Variants in HMCN1 observed in about 807,000 individuals in gnomAD.
The protein encoded by HMCN1 is hemicentin 1, also known as hemicentin-1.
HMCN1 carries 321 observed loss-of-function variants against 625.9 expected under a neutral mutation model. That is an observed-to-expected ratio of 0.51 (90% confidence interval 0.47 to 0.56). HMCN1 has a LOEUF of 0.56. HMCN1 is among the 20% of genes least tolerant of loss of function. The pLI, the probability that HMCN1 is intolerant of heterozygous loss-of-function variation, is 0.00. For synonymous variants in HMCN1, 2,425 were observed against 2,417.6 expected, an observed-to-expected ratio of 1.00 and a Z score of -0.09; for missense variants, 6,588 against 6,887.3, an observed-to-expected ratio of 0.96 and a Z score of 1.54.
chr1:185,889,552 C>A (rs956055367), intron 4 of HMCN1, among the ~76,000 whole-genome samples: 3 of 136,284 alleles, frequency 2.2e-5, no homozygotes, highest in Non-Finnish European at 4.5e-5. Context: ...GCCTTTTCTG[C>A]ATCTATTGAG....
At chr1:186,074,177 C>G (rs747475917) in intron 52 of HMCN1, among the ~76,000 whole-genome samples, 1 of 151,794 alleles carries the variant, frequency 6.6e-6, no homozygotes, top group Non-Finnish European at 1.5e-5. Flanking sequence ...TGATAAAACA[C>G]CATAATACGA....
intron 4 of HMCN1, among the ~76,000 whole-genome samples, chr1:185,872,878 A>G (rs1344829907): frequency 6.6e-6 from 1 of 152,164 alleles, no homozygotes; most frequent in Non-Finnish European, 1.5e-5. Context: ...TGAAAGTATT[A>G]TCCCATAAGA....
At chr1:186,108,653 A>G (rs1323168398) in intron 71 of HMCN1, 56 bp downstream of exon 71, 5 of 1,601,134 alleles carry the variant, frequency 3.1e-6, no homozygotes, top group East Asian at 2.2e-5. Flanking sequence ...AAGTAAAAAA[A>G]TCAGCTCTAG....
At chr1:185,844,406 T>C (rs182921165) in intron 1 of HMCN1, among the ~76,000 whole-genome samples, 3 of 152,368 alleles carry the variant, frequency 2.0e-5, no homozygotes, top group African/African-American at 4.8e-5. Context: ...GTACATGGGT[T>C]ATGGCAGACA....
rs773604771 is a variant in HMCN1 at position 186,070,769 on chromosome 1, CTT to C, written c.8139+17_8139+18del. 6.2e-7 allele frequency: 1 copy of C among 1,613,386 alleles called. No homozygotes were observed. The highest frequency in any genetic ancestry group is 1.1e-5 in the South Asian group (1 of 91,068). On this transcript the variant is annotated intron_variant, in intron 52 of 106. Coordinates refer to ENST00000271588, the MANE Select transcript of HMCN1 (RefSeq NM_031935.3). ...ACAAGGATGGACAGGCCAGTCACAA[CTT>C]TTTTCATTTGCTGATGATTTCTTAA...
At chr1:185,896,891 A>G (rs943723866) in intron 4 of HMCN1, among the ~76,000 whole-genome samples, 1 of 152,252 alleles carries the variant, frequency 6.6e-6, no homozygotes, top group African/African-American at 2.4e-5. Flanking sequence ...ATAATCAGTT[A>G]TAACATTTTG....
At chr1:186,024,197 G>A (rs1468191231) in intron 36 of HMCN1, among the ~76,000 whole-genome samples, 5 of 152,138 alleles carry the variant, frequency 3.3e-5, no homozygotes, top group Non-Finnish European at 7.3e-5. Flanking sequence ...GTTGGGAGAC[G>A]AATATCTGAA....
intron 105 of HMCN1, among the ~76,000 whole-genome samples, chr1:186,184,144 C>T (rs529798562): frequency 1.2e-4 from 19 of 152,156 alleles, no homozygotes; most frequent in African/African-American, 1.9e-4. Flanking sequence ...TGGAAAATGA[C>T]GTGGTCAAAT....
intron 69 of HMCN1, among the ~76,000 whole-genome samples, chr1:186,105,775 C>T (rs150461815): frequency 3.9e-5 from 6 of 152,250 alleles, no homozygotes; most frequent in Non-Finnish European, 5.9e-5. Context: ...GAAAAGGGAA[C>T]ATTTAAGAAT....
chr1:185,735,160 C>A, intron 1 of HMCN1, 113 bp downstream of exon 1: 1 of 1,211,618 alleles, frequency 8.3e-7, no homozygotes, highest in Non-Finnish European at 1.2e-6. Context: ...AAAAAATGTG[C>A]AGCTGAAAAT....
At chr1:186,100,388 A>C (rs192769440) in intron 68 of HMCN1, among the ~76,000 whole-genome samples, 1 of 152,250 alleles carries the variant, frequency 6.6e-6, no homozygotes, top group East Asian at 1.9e-4. Flanking sequence ...TTCTTTATTT[A>C]ATTCTATCCA....
At chr1:185,946,558 T>G (rs1668357542) in intron 11 of HMCN1, among the ~76,000 whole-genome samples, 1 of 152,214 alleles carries the variant, frequency 6.6e-6, no homozygotes, top group South Asian at 2.1e-4. Flanking sequence ...TGGGAAATTG[T>G]TATAAATCAG....
intron 78 of HMCN1, 134 bp from the exon 79 acceptor site, chr1:186,119,611 C>T: frequency 1.1e-6 from 1 of 941,820 alleles, no homozygotes; most frequent in Non-Finnish European, 1.6e-6. Context: ...GGCCAACATT[C>T]ACTTTTCTCT....
At chr1:186,186,997 C>T (rs958800443) in intron 105 of HMCN1, among the ~76,000 whole-genome samples, 3 of 64,548 alleles carry the variant, frequency 4.6e-5, no homozygotes, top group African/African-American at 1.8e-4. Context: ...CTCTGTCTCA[C>T]ACACACACAC....
At chr1:185,822,342 A>G (rs1196321954) in intron 1 of HMCN1, among the ~76,000 whole-genome samples, 4 of 152,064 alleles carry the variant, frequency 2.6e-5, no homozygotes, top group Non-Finnish European at 5.9e-5. Context: ...CCTTCATCCC[A>G]GTTTTGTTCT....
intron 103 of HMCN1, among the ~76,000 whole-genome samples, chr1:186,176,350 A>G (rs1652578214): frequency 6.6e-6 from 1 of 152,200 alleles, no homozygotes; most frequent in South Asian, 2.1e-4. Context: ...TTATAATGGT[A>G]TGGAAGATTA....
At chr1:185,877,192 A>C (rs1663997171) in intron 4 of HMCN1, among the ~76,000 whole-genome samples, 1 of 151,898 alleles carries the variant, frequency 6.6e-6, no homozygotes, top group Non-Finnish European at 1.5e-5. Flanking sequence ...TCCTGGAAAG[A>C]GCATTTATTA....
chr1:185,746,189 T>C (rs1478218130), intron 1 of HMCN1, among the ~76,000 whole-genome samples: 1 of 152,104 alleles, frequency 6.6e-6, no homozygotes, highest in African/African-American at 2.4e-5. Context: ...AGCTGGTGAG[T>C]ACAGGATGTT....
intron 1 of HMCN1, among the ~76,000 whole-genome samples, chr1:185,772,803 G>A (rs1180338826): frequency 1.3e-5 from 2 of 152,186 alleles, no homozygotes; most frequent in African/African-American, 4.8e-5. Flanking sequence ...CCAAGGTCAA[G>A]GTGTTGGCAT....
Sources: gnomAD v4.1 joint callset for allele counts (sites outside exome capture counted in the v4.1 genomes callset) on GRCh38, gnomAD v4.1.1 for gene constraint, MANE v1.5 for transcripts, NCBI Gene and HGNC (gene_info 2026-07-23, HGNC 2026-07-21) for gene names.